RRM2B: variants seen among roughly 807,000 people sequenced by gnomAD.
RRM2B encodes ribonucleotide reductase regulatory TP53 inducible subunit M2B.
RRM2B carries 20 observed loss-of-function variants against 45.9 expected under a neutral mutation model. The observed-to-expected ratio is 0.44, with a 90% CI of 0.31 to 0.63. The LOEUF (loss-of-function observed/expected upper bound fraction) is 0.63, where lower values mean the gene tolerates loss of function less well. Among genes scored for constraint, RRM2B ranks in the 30% least tolerant of loss-of-function variants. RRM2B has a pLI of 0.09. For synonymous variants in RRM2B, 124 were observed against 132.3 expected, an observed-to-expected ratio of 0.94 and a Z score of 0.43; for missense variants, 320 against 414.7, an observed-to-expected ratio of 0.77 and a Z score of 1.98.
At chr8:102,215,944 C>CAAAAAAAAAAA (rs60059243) in intron 6 of RRM2B, among the ~76,000 whole-genome samples, 8 of 75,692 alleles carry the variant, frequency 1.1e-4, no homozygotes, top group Non-Finnish European at 1.7e-4. Context: ...GACCCTGTCT[C>CAAAAAAAAAAA]AAAAAAAAAA....
At chr8:102,217,334 C>A (rs1161291723) in intron 6 of RRM2B, among the ~76,000 whole-genome samples, 3 of 151,280 alleles carry the variant, frequency 2.0e-5, no homozygotes. Context: ...AAATGTAGTT[C>A]TCTCTGTGTT....
intron 8 of RRM2B, among the ~76,000 whole-genome samples, chr8:102,211,371 T>C (rs1465871477): frequency 6.6e-6 from 1 of 152,240 alleles, no homozygotes; most frequent in African/African-American, 2.4e-5. Flanking sequence ...TTTCATTGCA[T>C]TAAAAATCTA....
At chr8:102,226,420 C>G (rs1358260703) in intron 2 of RRM2B, among the ~76,000 whole-genome samples, 1 of 150,632 alleles carries the variant, frequency 6.6e-6, no homozygotes, top group Non-Finnish European at 1.5e-5. Flanking sequence ...AATTTTCTGG[C>G]TAATTAAGAA....
rs515726196 is a variant in RRM2B at position 102,218,827 on chromosome 8, A to C, written c.671T>G (p.Ile224Ser). 39 of 1,612,456 alleles carry C rather than the reference A, an allele frequency of 2.4e-5. No homozygotes were observed. Among genetic ancestry groups the C allele is most frequent in the Non-Finnish European group, 3.1e-5 (36 of 1,178,698 alleles). Residue 224 changes from isoleucine (I) to serine (S), a missense_variant, in exon 6 of 9, where the codon ATC (isoleucine) becomes AGC (serine). Physicochemically the swap from Ile to Ser is moderately radical, Grantham distance 142. This residue lies in a region of RRM2B where 225 missense variants were observed against 289.4 expected (regional missense o/e 0.78). Transcript: ENST00000251810. ...MPGLTFSNEL[I>S]SRDEGLHCDF... The stretch of plus-strand genomic sequence containing the variant: ...TCCATTCCTTACTTCATCTCTGCTG[A>C]TGAGTTCATTGGAAAAAGTGAGTCC...
chr8:102,206,788 T>C lies in RRM2B; in HGVS notation c.*1345A>G, dbSNP rs1307433735. On this transcript the variant is annotated 3_prime_UTR_variant, in exon 9 of 9. Coordinates refer to ENST00000251810, the MANE Select transcript of RRM2B (RefSeq NM_015713.5). ...AATAGGGGCAGACTTCTCAAAAACC[T>C]TGGTTCCCGGCCTTTCATCAGACTC... 1 of 152,228 alleles carries C rather than the reference T, an allele frequency of 6.6e-6. No homozygotes were observed. Among genetic ancestry groups the C allele is most frequent in the Non-Finnish European group, 1.5e-5 (1 of 68,030 alleles). 9.4% of individuals were successfully genotyped at this position (152,228 alleles called of 1,614,324 possible). A position where few individuals can be genotyped will look rare whatever the true frequency, so the allele number is the denominator to read the frequency against.
chr8:102,225,112 AC>A, intron 3 of RRM2B, 94 bp from the exon 4 acceptor site: 1 of 1,321,994 alleles, frequency 7.6e-7, no homozygotes, highest in Non-Finnish European at 1.1e-6. Context: ...TCGCTTAAAA[AC>A]TGCCTGTCAT....
chr8:102,223,078 A>G, intron 5 of RRM2B, among the ~76,000 whole-genome samples: 1 of 152,172 alleles, frequency 6.6e-6, no homozygotes, highest in East Asian at 1.9e-4. Context: ...ATAAAACCAG[A>G]AAGTAAAGAA....
chr8:102,220,035 T>TA (rs1475530763), intron 5 of RRM2B, among the ~76,000 whole-genome samples: 18 of 152,252 alleles, frequency 1.2e-4, no homozygotes, highest in African/African-American at 4.3e-4. Context: ...ATGCAGGAGT[T>TA]AGAGACCAGC....
At position 102,219,103 on chromosome 8, in the gene RRM2B, C is replaced by A. The variant is rs13249865; in HGVS notation, c.551-156G>T. 0.12 allele frequency: 85,584 copies of A among 742,196 alleles called. 6,033 individuals are homozygous for A. Among genetic ancestry groups the A allele is most frequent in the Non-Finnish European group, 0.15 (67,252 of 453,460 alleles). The allele number at this position is 742,196 out of a possible 1,614,324, so 46.0% of individuals were successfully genotyped here. ...CCAAAGATCTCCATAGGAGAAAATG[C>A]GCCACCTCTACCTACTGGAGCAGAA... On this transcript the variant is annotated intron_variant, in intron 5 of 8. Coordinates refer to ENST00000251810, the MANE Select transcript of RRM2B (RefSeq NM_015713.5).
At chr8:102,238,362 G>C (rs138022862) in intron 1 of RRM2B, 3 of 388,844 alleles carry the variant, frequency 7.7e-6, no homozygotes, top group African/African-American at 2.1e-5. Context: ...CCTTCTACCT[G>C]TCATCTTCAC....
intron 8 of RRM2B, among the ~76,000 whole-genome samples, chr8:102,210,601 T>TA (rs1434934356): frequency 6.6e-6 from 1 of 152,086 alleles, no homozygotes; most frequent in Non-Finnish European, 1.5e-5. Flanking sequence ...TAGCTAGGAT[T>TA]ACAGGCACCC....
chr8:102,214,134 G>C lies in RRM2B; in HGVS notation c.709C>G (p.Leu237Val). ...TTATTTACTAAGTATTGGAACATCA[G>C]GCAAGCAAAGTCACAGTGAAGTCCC... The part of the protein sequence containing the change: ...DEGLHCDFAC[L>V]MFQYLVNKPS... The change falls in exon 7 of 9, where the codon CTG becomes GTG. Residue 237 changes from leucine to valine, a missense_variant. This residue lies in a region of RRM2B where 225 missense variants were observed against 289.4 expected (regional missense o/e 0.78). Transcript: ENST00000251810. 6.2e-7 allele frequency: 1 copy of C among 1,613,194 alleles called. No individual in the cohort carries two copies. Among genetic ancestry groups the C allele is most frequent in the Non-Finnish European group, 8.5e-7 (1 of 1,179,448 alleles).
rs1810556501 is a variant in RRM2B, at chr8:102,207,122, T to G, written c.*1011A>C. ...ACAGGTAAAAAACATCTGTGTTAAG[T>G]ATGTTGGGAATATGCAGGGCGAGAT... is the stretch of plus-strand genomic sequence containing the variant. On this transcript the variant is annotated 3_prime_UTR_variant, in exon 9 of 9. Transcript: ENST00000251810. The G allele has an allele frequency of 1.3e-5, 2 of 152,192 alleles. No homozygotes were observed. The highest frequency in any genetic ancestry group is 4.8e-5 in the African/African-American group (2 of 41,448). The allele number at this position is 152,192 out of a possible 1,614,324, so 9.4% of individuals were successfully genotyped here.
At chr8:102,230,945 A>T (rs2132561023) in intron 2 of RRM2B, among the ~76,000 whole-genome samples, 1 of 152,336 alleles carries the variant, frequency 6.6e-6, no homozygotes, top group African/African-American at 2.4e-5. Context: ...AAGTAGTGGC[A>T]CAGGATTTGT....
Position 102,232,195 on chromosome 8 carries a change from C to T in RRM2B, c.158G>A (p.Trp53Ter), listed in dbSNP as rs768498594. The T allele has an allele frequency of 9.9e-6, 16 of 1,614,164 alleles. No individual in the cohort carries two copies. The highest frequency in any genetic ancestry group is 1.3e-5 in the African/African-American group (1 of 75,048). Residue 53 changes from tryptophan (W) to a stop codon, truncating the protein, a stop_gained, in exon 2 of 9, where the codon TGG becomes TAG. Transcript: ENST00000251810. LOFTEE classifies it high-confidence loss of function. ...VIFPIQYPDI[W>*]KMYKQAQASF... is the part of the protein sequence containing the mutation. ...AGCCTGTGCCTGTTTATACATTTTC[C>T]AAATATCAGGGTACTGGATTGGAAA...
At chr8:102,211,175 A>G (rs1392549392) in intron 8 of RRM2B, among the ~76,000 whole-genome samples, 4 of 151,978 alleles carry the variant, frequency 2.6e-5, no homozygotes. Flanking sequence ...AGGCCTGGCT[A>G]ATTTTTTGTA....
chr8:102,225,109 A>C (rs928645138), intron 3 of RRM2B, 91 bp from the exon 4 acceptor site: 5 of 1,358,696 alleles, frequency 3.7e-6, no homozygotes, highest in Non-Finnish European at 5.2e-6. Flanking sequence ...TTATCGCTTA[A>C]AAACTGCCTG....
intron 8 of RRM2B, among the ~76,000 whole-genome samples, 189 bp downstream of exon 8, chr8:102,212,587 T>A (rs1810654021): frequency 6.6e-6 from 1 of 152,008 alleles, no homozygotes; most frequent in Non-Finnish European, 1.5e-5. Flanking sequence ...TTTACCAGCC[T>A]CCTACTTCAG....
intron 3 of RRM2B, 147 bp downstream of exon 3, chr8:102,225,771 A>T (rs965656551): frequency 1.6e-5 from 11 of 667,722 alleles, no homozygotes; most frequent in Admixed American, 8.7e-5. Flanking sequence ...AGGATAAGCA[A>T]TTCATCAGAA....
Sources: allele counts gnomAD v4.1 joint callset (sites outside exome capture counted in the v4.1 genomes callset), GRCh38; gene constraint gnomAD v4.1.1; regional missense constraint gnomAD v4.1.1; transcripts MANE v1.5; gene names NCBI Gene and HGNC (gene_info 2026-07-23, HGNC 2026-07-21).